PRSS23: variants seen among roughly 807,000 people sequenced by gnomAD.
PRSS23 encodes protease, serine 23.
Under a neutral mutation model 34.7 loss-of-function variants are expected in PRSS23, and 25 were observed. The observed-to-expected ratio is 0.72, with a 90% CI of 0.53 to 1.01. The LOEUF (loss-of-function observed/expected upper bound fraction) is 1.01, where lower values mean the gene tolerates loss of function less well. PRSS23 is among the 50% of genes least tolerant of loss of function. The pLI is 0.00. For synonymous variants in PRSS23, 176 were observed against 186.6 expected (o/e 0.94, Z 0.46); for missense variants, 445 against 475.6 (o/e 0.94, Z 0.60).
intron 1 of PRSS23, 78 bp downstream of exon 1, chr11:86,800,729 G>C: frequency 4.8e-6 from 4 of 827,870 alleles, no homozygotes; most frequent in Non-Finnish European, 5.8e-6. Flanking sequence ...ACAAAGGGCC[G>C]GGTATGCGCG....
At chr11:86,795,357 T>G (rs548087099) in intron 1 of PRSS23, among the ~76,000 whole-genome samples, 1 of 152,228 alleles carries the variant, frequency 6.6e-6, no homozygotes, top group Non-Finnish European at 1.5e-5. Flanking sequence ...AGTCTCATTG[T>G]GCAGATGAGA....
chr11:86,884,652 A>G (rs1175839311), intron 2 of PRSS23, among the ~76,000 whole-genome samples: 2 of 152,150 alleles, frequency 1.3e-5, no homozygotes, highest in African/African-American at 4.8e-5. Flanking sequence ...CTTATTACCC[A>G]TGGAACAATC....
At chr11:86,795,307 T>C (rs909644789) in intron 1 of PRSS23, among the ~76,000 whole-genome samples, 1 of 152,224 alleles carries the variant, frequency 6.6e-6, no homozygotes, top group Non-Finnish European at 1.5e-5. Context: ...ATGGGTTTTG[T>C]ACTGATTATC....
chr11:86,893,030 A>C (rs886142699), intron 2 of PRSS23, among the ~76,000 whole-genome samples: 3 of 152,210 alleles, frequency 2.0e-5, no homozygotes, highest in Non-Finnish European at 4.4e-5. Flanking sequence ...AATGGGTTAG[A>C]GTGGGGCCTA....
intron 2 of PRSS23, among the ~76,000 whole-genome samples, chr11:86,930,646 C>T (rs1949117975): frequency 6.6e-6 from 1 of 152,018 alleles, no homozygotes; most frequent in Non-Finnish European, 1.5e-5. Flanking sequence ...AAAAATTAGC[C>T]GGGCGTGGTG....
intron 2 of PRSS23, among the ~76,000 whole-genome samples, chr11:86,830,219 C>G (rs958794889): frequency 2.0e-5 from 3 of 152,236 alleles, no homozygotes; most frequent in African/African-American, 7.2e-5. Flanking sequence ...CCCAGCCTCA[C>G]TGCCACCTTG....
At chr11:86,933,814 T>C (rs558433612) in intron 2 of PRSS23, 29 of 152,350 alleles carry the variant, frequency 1.9e-4, no homozygotes, top group Admixed American at 1.6e-3. Flanking sequence ...GGGTAAACCA[T>C]GCACCTTTTT....
At chr11:86,807,556 T>A in intron 1 of PRSS23, 75 bp from the exon 2 acceptor site, 1 of 1,336,984 alleles carries the variant, frequency 7.5e-7, no homozygotes, top group South Asian at 1.4e-5. Flanking sequence ...ACAGGCCTGC[T>A]GCTGAGCTTT....
At chr11:86,800,820 G>T (rs1207180555) in intron 1 of PRSS23, among the ~76,000 whole-genome samples, 169 bp downstream of exon 1, 1 of 152,206 alleles carries the variant, frequency 6.6e-6, no homozygotes, top group Non-Finnish European at 1.5e-5. Context: ...ACGGGCTGGG[G>T]GCCTGAAGGA....
intron 2 of PRSS23, chr11:86,950,934 C>T: frequency 1.6e-6 from 1 of 626,258 alleles, no homozygotes; most frequent in South Asian, 1.9e-5. Context: ...ACTGGCTTTT[C>T]CATTTTGGAT....
At chr11:86,855,775 A>G in intron 2 of PRSS23, among the ~76,000 whole-genome samples, 1 of 152,236 alleles carries the variant, frequency 6.6e-6, no homozygotes, top group East Asian at 1.9e-4. Flanking sequence ...TGCTGGGATA[A>G]CAGACATGAG....
chr11:86,793,902 C>A (rs1341767171), intron 1 of PRSS23, among the ~76,000 whole-genome samples: 1 of 152,042 alleles, frequency 6.6e-6, no homozygotes, highest in East Asian at 1.9e-4. Flanking sequence ...ATAATTACAA[C>A]ATAAGATATA....
chr11:86,803,056 AT>A (rs1372862690), intron 1 of PRSS23, among the ~76,000 whole-genome samples: 1 of 152,168 alleles, frequency 6.6e-6, no homozygotes, highest in Admixed American at 6.5e-5. Context: ...TCTTACCTTC[AT>A]TTTCCATTCT....
Position 86,808,731 on chromosome 11 carries a change from C to T in PRSS23, c.1088C>T (p.Pro363Leu). 6.2e-7 allele frequency: 1 copy of T among 1,614,170 alleles called. No individual in the cohort carries two copies. The highest frequency in any genetic ancestry group is 8.5e-7 in the Non-Finnish European group (1 of 1,180,022). The change falls in exon 2 of 2, where the codon CCT becomes CTT. Residue 363 changes from proline (P) to leucine (L), a missense_variant. Physicochemically the swap from Pro to Leu is moderately conservative, Grantham distance 98 (BLOSUM62 -3). Coordinates refer to ENST00000280258, the MANE Select transcript of PRSS23 (RefSeq NM_007173.6). ...QDFNVAVRIT[P>L]LKYAQICYWI... ...TTCAACGTGGCTGTCAGAATCACTC[C>T]TCTCAAATATGCCCAGATTTGCTAT...
At chr11:86,799,665 TAGGAG>T (rs1948006470), upstream of PRSS23, among the ~76,000 whole-genome samples, 1 of 152,270 alleles carries the variant, frequency 6.6e-6, no homozygotes, top group East Asian at 1.9e-4. Context: ...CCAGCCTGGT[TAGGAG>T]AGGACTCCCC....
chr11:86,907,365 A>G (rs760637984), intron 2 of PRSS23, among the ~76,000 whole-genome samples: 14 of 152,204 alleles, frequency 9.2e-5, no homozygotes, highest in Non-Finnish European at 1.6e-4. Context: ...TCAAAATGTT[A>G]GCAGTGGTGT....
chr11:86,906,162 CG>C (rs1948940674), intron 2 of PRSS23, among the ~76,000 whole-genome samples: 1 of 151,262 alleles, frequency 6.6e-6, no homozygotes, highest in South Asian at 2.1e-4. Context: ...GGCCGGGGGG[CG>C]GGGGCAAGAG....
At chr11:86,822,655 C>A (rs980248255) in intron 1 of PRSS23, among the ~76,000 whole-genome samples, 15 of 150,220 alleles carry the variant, frequency 1.0e-4, no homozygotes, top group Non-Finnish European at 2.2e-4. Context: ...GAACTAGGAC[C>A]AGTGGATGAT....
At chr11:86,889,798 A>C (rs1452710781) in intron 2 of PRSS23, among the ~76,000 whole-genome samples, 1 of 152,184 alleles carries the variant, frequency 6.6e-6, no homozygotes, top group Non-Finnish European at 1.5e-5. Flanking sequence ...TCAAATCCTG[A>C]ATATGACCAT....
Sources: gnomAD v4.1 joint callset for allele counts (sites outside exome capture counted in the v4.1 genomes callset) on GRCh38, gnomAD v4.1.1 for gene constraint, MANE v1.5 for transcripts, NCBI Gene and HGNC (gene_info 2026-07-23, HGNC 2026-07-21) for gene names.